The following TPRG1 variants were observed in gnomAD, a reference collection of about 807,000 sequenced individuals.
The protein encoded by TPRG1 is tumor protein p63 regulated 1.
Under a neutral mutation model 29.3 loss-of-function variants are expected in TPRG1, and 29 were observed. That is an observed-to-expected ratio of 0.99 (90% confidence interval 0.74 to 1.35). TPRG1 has a LOEUF of 1.35. Ranked by LOEUF, TPRG1 falls within the 40% of genes most tolerant of loss-of-function variation. TPRG1 has a pLI of 0.00. For missense variants in TPRG1, 327 were observed against 335.0 expected, an observed-to-expected ratio of 0.98 and a Z score of 0.19; for synonymous variants, 130 against 116.8, an observed-to-expected ratio of 1.11 and a Z score of -0.73.
intron 3 of TPRG1, among the ~76,000 whole-genome samples, chr3:189,234,643 G>T (rs1739172129): frequency 6.6e-6 from 1 of 152,194 alleles, no homozygotes; most frequent in African/African-American, 2.4e-5. Context: ...CATATAGGTT[G>T]TGCAGTGCCA....
chr3:189,296,828 A>G (rs1364523354), intron 4 of TPRG1, among the ~76,000 whole-genome samples: 1 of 152,094 alleles, frequency 6.6e-6, no homozygotes, highest in Non-Finnish European at 1.5e-5. Flanking sequence ...CATTTGAATA[A>G]TCTTCAAACA....
At chr3:189,111,445 T>A (rs1372291144) in intron 1 of TPRG1, among the ~76,000 whole-genome samples, 1 of 152,078 alleles carries the variant, frequency 6.6e-6, no homozygotes, top group African/African-American at 2.4e-5. Context: ...TATGTTGGGT[T>A]TATCAGGATT....
intron 2 of TPRG1, among the ~76,000 whole-genome samples, chr3:189,208,927 G>C (rs1478354230): frequency 4.6e-5 from 7 of 152,190 alleles, no homozygotes; most frequent in African/African-American, 1.7e-4. Flanking sequence ...CTCTGAATCT[G>C]GTGTTGGGCC....
At chr3:189,104,089 A>G (rs1719521490) in intron 1 of TPRG1, among the ~76,000 whole-genome samples, 1 of 152,168 alleles carries the variant, frequency 6.6e-6, no homozygotes, top group South Asian at 2.1e-4. Context: ...TACTGTTCCC[A>G]GAATAAGGGA....
intron 1 of TPRG1, among the ~76,000 whole-genome samples, chr3:189,108,532 G>GTT (rs11360407): frequency 2.3e-4 from 33 of 140,762 alleles, no homozygotes; most frequent in African/African-American, 8.0e-4. Context: ...TTTAGAACGT[G>GTT]TTTTTTTTTT....
intron 4 of TPRG1, among the ~76,000 whole-genome samples, chr3:189,259,072 G>C (rs568000234): frequency 6.6e-6 from 1 of 152,344 alleles, no homozygotes; most frequent in East Asian, 1.9e-4. Context: ...AGCTAGCTTG[G>C]TGTCTGCCCA....
At chr3:189,002,307 T>C (rs1712067911) in intron 2 of TPRG1, among the ~76,000 whole-genome samples, 1 of 152,176 alleles carries the variant, frequency 6.6e-6, no homozygotes. Context: ...TCCTTGTTAC[T>C]TTCCTCCTTT....
intron 3 of TPRG1, among the ~76,000 whole-genome samples, chr3:189,136,682 A>G (rs912289925): frequency 2.6e-5 from 4 of 152,192 alleles, no homozygotes; most frequent in Non-Finnish European, 4.4e-5. Flanking sequence ...CTCTCGTTAC[A>G]GCGCTGGGCC....
chr3:189,263,515 C>T (rs961319937), intron 4 of TPRG1, among the ~76,000 whole-genome samples: 5 of 152,186 alleles, frequency 3.3e-5, no homozygotes, highest in African/African-American at 1.2e-4. Context: ...CTGCTTTTAT[C>T]TGTTGCTTGT....
At chr3:188,999,171 G>A (rs1462797527) in intron 1 of TPRG1, among the ~76,000 whole-genome samples, 1 of 152,162 alleles carries the variant, frequency 6.6e-6, no homozygotes, top group Non-Finnish European at 1.5e-5. Context: ...GAACGTAAGA[G>A]CTGGCTTGTT....
chr3:189,048,049 A>C (rs1406195298), intron 4 of TPRG1, among the ~76,000 whole-genome samples: 2 of 152,230 alleles, frequency 1.3e-5, no homozygotes, highest in African/African-American at 4.8e-5. Context: ...AATTCCTTCC[A>C]GAAGGTTTTC....
intron 4 of TPRG1, among the ~76,000 whole-genome samples, chr3:189,062,768 A>G (rs60732616): frequency 0.13 from 19,154 of 152,068 alleles, 2,180 homozygotes; most frequent in African/African-American, 0.3. Context: ...GTACAAAGAA[A>G]TACTCTGAGA....
At chr3:189,229,313 G>T (rs1003430657) in intron 3 of TPRG1, among the ~76,000 whole-genome samples, 1 of 152,108 alleles carries the variant, frequency 6.6e-6, no homozygotes, top group Admixed American at 6.5e-5. Context: ...AATAGCTAAA[G>T]CAATTCTTAA....
intron 5 of TPRG1, among the ~76,000 whole-genome samples, chr3:189,165,526 C>T (rs1267157424): frequency 6.6e-6 from 1 of 151,798 alleles, no homozygotes; most frequent in Non-Finnish European, 1.5e-5. Flanking sequence ...ATCAAGGGGC[C>T]TGGGCATGTG....
intron 3 of TPRG1, among the ~76,000 whole-genome samples, chr3:189,237,242 A>G (rs1353023064): frequency 6.6e-6 from 1 of 152,086 alleles, no homozygotes; most frequent in Non-Finnish European, 1.5e-5. Flanking sequence ...TGAATAGCCC[A>G]ACAGACACAG....
intron 4 of TPRG1, chr3:189,267,560 TAG>T (rs1240004950): frequency 6.6e-6 from 1 of 152,158 alleles, no homozygotes; most frequent in Non-Finnish European, 1.5e-5. Context: ...AGAATTTTGG[TAG>T]AGAGTTATAA....
At chr3:189,117,673 G>A (rs1315504160) in intron 1 of TPRG1, among the ~76,000 whole-genome samples, 1 of 152,176 alleles carries the variant, frequency 6.6e-6, no homozygotes, top group African/African-American at 2.4e-5. Context: ...GATAATGAGT[G>A]AGTCTCACAA....
chr3:189,181,495 A>G (rs751416225), intron 1 of TPRG1, among the ~76,000 whole-genome samples: 17 of 152,160 alleles, frequency 1.1e-4, no homozygotes, highest in Admixed American at 2.6e-4. Context: ...AAGTTCCACA[A>G]ATCTCTAGGG....
chr3:189,224,003 G>T (rs1283854456), intron 3 of TPRG1, among the ~76,000 whole-genome samples: 1 of 152,152 alleles, frequency 6.6e-6, no homozygotes, highest in Non-Finnish European at 1.5e-5. Context: ...TCCTCAAGGT[G>T]CTCTCAGTCT....
Sources: gnomAD v4.1 joint callset for allele counts (sites outside exome capture counted in the v4.1 genomes callset) on GRCh38, gnomAD v4.1.1 for gene constraint, MANE v1.5 for transcripts, NCBI Gene and HGNC (gene_info 2026-07-23, HGNC 2026-07-21) for gene names.